THSD7A: variants seen among roughly 807,000 people sequenced by gnomAD.
The protein encoded by THSD7A is thrombospondin type-1 domain-containing protein 7A.
THSD7A carries 96 observed loss-of-function variants against 231.3 expected under a neutral mutation model. That is an observed-to-expected ratio of 0.41 (90% confidence interval 0.35 to 0.49). The LOEUF (loss-of-function observed/expected upper bound fraction) is 0.49, where lower values mean the gene tolerates loss of function less well. Among genes scored for constraint, THSD7A ranks in the 20% least tolerant of loss-of-function variants. The probability of loss-of-function intolerance (pLI) is 0.05; values close to 1 mark genes in which losing one functional copy is unlikely to be tolerated. For missense variants in THSD7A, 2,290 were observed against 2,070.2 expected (o/e 1.11, Z -2.06); for synonymous variants, 940 against 743.3 (o/e 1.26, Z -4.30).
chr7:11,717,265 C>G (rs1781172676), intron 1 of THSD7A, among the ~76,000 whole-genome samples: 1 of 151,740 alleles, frequency 6.6e-6, no homozygotes, highest in African/African-American at 2.4e-5. Flanking sequence ...AGGCTAGACT[C>G]TAGCCCGTCC....
chr7:11,826,540 G>A (rs886509018), intron 1 of THSD7A, among the ~76,000 whole-genome samples: 3 of 152,104 alleles, frequency 2.0e-5, no homozygotes, highest in African/African-American at 7.2e-5. Context: ...ATAATAAAAA[G>A]TGCAAATGTC....
chr7:11,501,092 T>A (rs1350211510), intron 6 of THSD7A, among the ~76,000 whole-genome samples: 1 of 151,304 alleles, frequency 6.6e-6, no homozygotes, highest in Non-Finnish European at 1.5e-5. Flanking sequence ...ATCCTAAATA[T>A]ATATGCACTC....
At chr7:11,764,205 T>C (rs896362336) in intron 1 of THSD7A, among the ~76,000 whole-genome samples, 1 of 152,240 alleles carries the variant, frequency 6.6e-6, no homozygotes, top group African/African-American at 2.4e-5. Flanking sequence ...GGGTCAGTGC[T>C]TGACAACACA....
intron 23 of THSD7A, among the ~76,000 whole-genome samples, chr7:11,396,326 T>TA (rs549830158): frequency 3.6e-4 from 54 of 151,782 alleles, no homozygotes; most frequent in Non-Finnish European, 2.2e-4. Context: ...GAAACACCCT[T>TA]AAAAAAATCA....
At chr7:11,683,494 AG>A (rs1783947528) in intron 1 of THSD7A, among the ~76,000 whole-genome samples, 1 of 151,988 alleles carries the variant, frequency 6.6e-6, no homozygotes, top group Non-Finnish European at 1.5e-5. Flanking sequence ...TTAACAAAAG[AG>A]AAAAAGAAGA....
At chr7:11,587,425 G>C (rs1478234218) in intron 4 of THSD7A, among the ~76,000 whole-genome samples, 2 of 152,116 alleles carry the variant, frequency 1.3e-5, no homozygotes, top group African/African-American at 4.8e-5. Context: ...GGGAATAGTT[G>C]TCAGGATTGG....
At chr7:11,600,822 T>A (rs1277711253) in intron 2 of THSD7A, among the ~76,000 whole-genome samples, 1 of 152,240 alleles carries the variant, frequency 6.6e-6, no homozygotes, top group Non-Finnish European at 1.5e-5. Context: ...GGCATATGTA[T>A]GAAAATTGCA....
intron 10 of THSD7A, 89 bp downstream of exon 10, chr7:11,461,922 T>G: frequency 2.7e-6 from 4 of 1,483,780 alleles, no homozygotes; most frequent in Non-Finnish European, 1.8e-6. Flanking sequence ...GAAGGAACAG[T>G]GTTGACTTCC....
intron 6 of THSD7A, among the ~76,000 whole-genome samples, chr7:11,497,611 A>G (rs919243253): frequency 2.0e-5 from 3 of 152,224 alleles, no homozygotes; most frequent in African/African-American, 7.2e-5. Context: ...AATACATAAT[A>G]GAACTTTCCA....
At chr7:11,628,966 G>C (rs976706885) in intron 2 of THSD7A, among the ~76,000 whole-genome samples, 8 of 152,114 alleles carry the variant, frequency 5.3e-5, no homozygotes, top group African/African-American at 1.9e-4. Context: ...ATTAACTATA[G>C]GAAGATTATT....
At position 11,636,736 on chromosome 7, in the gene THSD7A, C is replaced by G; in HGVS notation, c.416G>C (p.Ser139Thr). Residue 139 changes from serine to threonine, a missense_variant, in exon 2 of 28, where the codon AGC becomes ACC. Coordinates refer to ENST00000423059, the MANE Select transcript of THSD7A (RefSeq NM_015204.3). This position sits in a 1 kb window ranked among gnomAD's most constrained non-coding sequence, Gnocchi z 10.0. ...WNQCQPVISK[S>T]LEKPLECIKG... ...AATGCACTCAAGAGGTTTCTCTAGG[C>G]TTTTTGAAATCACGGGCTGACACTG... The G allele has an allele frequency of 6.2e-7, 1 of 1,613,964 alleles. No homozygotes were observed. The highest frequency in any genetic ancestry group is 8.5e-7 in the Non-Finnish European group (1 of 1,179,874).
At chr7:11,568,964 G>C (rs1790500370) in intron 4 of THSD7A, among the ~76,000 whole-genome samples, 2 of 140,874 alleles carry the variant, frequency 1.4e-5, no homozygotes, top group African/African-American at 5.4e-5. Flanking sequence ...AATCAAGAAA[G>C]CAATCCCGTT....
intron 1 of THSD7A, among the ~76,000 whole-genome samples, chr7:11,771,437 AAATAAAG>A (rs1783225212): frequency 6.6e-6 from 1 of 152,162 alleles, no homozygotes; most frequent in African/African-American, 2.4e-5. Context: ...AATAGAAAAT[AAATAAAG>A]CCAATGCAAA....
At position 11,610,868 on chromosome 7, in the gene THSD7A, T is replaced by C. The variant is rs565367890; in HGVS notation, c.1023-17366A>G. On this transcript the variant is annotated intron_variant, in intron 2 of 27. Transcript: ENST00000423059. ...CTATATTTTTATCTCATTACACTTT[T>C]CACTATGTTCCAAGATGTGTACTTC... 2.6e-5 allele frequency among the ~76,000 whole-genome samples: 4 copies of C among 152,276 alleles called. 1 individual carries two copies. Among genetic ancestry groups the C allele is most frequent in the African/African-American group, 9.6e-5 (4 of 41,572 alleles).
At chr7:11,430,036 A>G (rs904293380) in intron 13 of THSD7A, among the ~76,000 whole-genome samples, 2 of 152,198 alleles carry the variant, frequency 1.3e-5, no homozygotes, top group African/African-American at 4.8e-5. Context: ...TCTAGTCAAG[A>G]ATGAAACGCA....
Position 11,469,904 on chromosome 7 carries a change from T to A in THSD7A, c.2343A>T (p.Thr781=). The stretch of plus-strand genomic sequence containing the variant: ...CTTCTTTACACGAAGAGGGGCATGA[T>A]GTCCAGTCACTATATGGGGTCACAA... ...DCIVTPYSDW[T]SCPSSCKEGD... Residue 781 remains threonine, a synonymous_variant, in exon 9 of 28, where the codon ACA becomes ACT. Transcript: ENST00000423059. The A allele has an allele frequency of 6.2e-7, 1 of 1,600,466 alleles. No homozygotes were observed. The highest frequency in any genetic ancestry group is 8.5e-7 in the Non-Finnish European group (1 of 1,172,546).
intron 9 of THSD7A, among the ~76,000 whole-genome samples, chr7:11,469,181 C>T (rs770624153): frequency 9.2e-5 from 14 of 152,008 alleles, no homozygotes; most frequent in Non-Finnish European, 1.3e-4. Flanking sequence ...TAGGAGACAG[C>T]GTCATTTGTA....
intron 2 of THSD7A, among the ~76,000 whole-genome samples, chr7:11,609,417 C>T (rs1373376640): frequency 6.6e-6 from 1 of 152,132 alleles, no homozygotes; most frequent in Non-Finnish European, 1.5e-5. Context: ...ACACCCAGAA[C>T]TGGGAGGACC....
rs768811769 is a variant in THSD7A at position 11,541,614 on chromosome 7, G to A, written c.1627C>T (p.Arg543Trp). Reference sequence around the variant, plus strand: ...CCAGTGGGCTCATTGGTAATGCGCCGCTTCCTCAGTTTGAAGCCTGAATTA... The same window carrying A: ...CCAGTGGGCTCATTGGTAATGCGCCACTTCCTCAGTTTGAAGCCTGAATTA... ...QGKKGFKLRK[R>W]RITNEPTGGS... The change falls in exon 6 of 28, where the codon CGG becomes TGG. Residue 543 changes from arginine (R) to tryptophan (W), a missense_variant. Transcript: ENST00000423059. The A allele has an allele frequency of 3.7e-6, 6 of 1,613,686 alleles. No individual in the cohort carries two copies. Among genetic ancestry groups the A allele is most frequent in the Non-Finnish European group, 5.1e-6 (6 of 1,179,718 alleles).
Sources: allele counts gnomAD v4.1 joint callset (sites outside exome capture counted in the v4.1 genomes callset), GRCh38; gene constraint gnomAD v4.1.1; non-coding constraint Gnocchi (gnomAD v3.1); transcripts MANE v1.5; gene names NCBI Gene and HGNC (gene_info 2026-07-23, HGNC 2026-07-21).